Variants in CFAP97 observed in about 807,000 individuals in gnomAD.
CFAP97 encodes cilia- and flagella-associated protein 97.
A neutral mutation model predicts 43.1 loss-of-function variants in CFAP97; 36 were observed. The ratio of observed to expected loss-of-function variants is 0.84; its 90% confidence interval spans 0.64 to 1.10. The LOEUF is 1.10. Ranked by LOEUF, CFAP97 falls within the 50% of genes least tolerant of loss-of-function variation. The probability of loss-of-function intolerance (pLI) is 0.00; values close to 1 mark genes in which losing one functional copy is unlikely to be tolerated. For synonymous variants in CFAP97, 228 were observed against 225.7 expected, an observed-to-expected ratio of 1.01 and a Z score of -0.09; for missense variants, 657 against 620.3, an observed-to-expected ratio of 1.06 and a Z score of -0.63.
chr4:185,182,876 G>T (rs1468160184), intron 2 of CFAP97, among the ~76,000 whole-genome samples: 2 of 151,806 alleles, frequency 1.3e-5, no homozygotes, highest in East Asian at 3.9e-4. Context: ...GACACGGGCG[G>T]ATCATCTGAG....
At chr4:185,176,109 C>CTTTCT (rs1553970913) in intron 2 of CFAP97, 58 bp from the exon 3 acceptor site, 1 of 833,948 alleles carries the variant, frequency 1.2e-6, no homozygotes, top group Non-Finnish European at 1.6e-6. Context: ...GTGGTACATG[C>CTTTCT]TTTTTTTTTT....
chr4:185,191,304 AGT>A, intron 1 of CFAP97, 92 bp from the exon 2 acceptor site: 1 of 914,260 alleles, frequency 1.1e-6, no homozygotes, highest in South Asian at 2.4e-5. Flanking sequence ...CAAACTGACA[AGT>A]GTGTTTAATA....
chr4:185,181,419 A>T (rs1374172123), intron 2 of CFAP97, among the ~76,000 whole-genome samples: 1 of 134,914 alleles, frequency 7.4e-6, no homozygotes, highest in Non-Finnish European at 1.5e-5. Context: ...TCCGCTTCCC[A>T]GGTTCAAGCC....
chr4:185,199,938 T>G (rs1736749779), intron 1 of CFAP97, among the ~76,000 whole-genome samples: 1 of 152,240 alleles, frequency 6.6e-6, no homozygotes. Context: ...CAACATCCAC[T>G]CTGCAGCCCA....
At chr4:185,180,632 T>C (rs1308704333) in intron 2 of CFAP97, among the ~76,000 whole-genome samples, 2 of 152,168 alleles carry the variant, frequency 1.3e-5, no homozygotes, top group Non-Finnish European at 2.9e-5. Flanking sequence ...TTTTTTAATA[T>C]GCTCTGATAG....
chr4:185,195,109 A>G (rs114107958), intron 1 of CFAP97, among the ~76,000 whole-genome samples: 98 of 152,332 alleles, frequency 6.4e-4, no homozygotes, highest in African/African-American at 2.3e-3. Context: ...AGGAAAATGA[A>G]TAAATAAAAT....
rs552444758 is a variant in CFAP97 at position 185,190,253 on chromosome 4, T to C, written c.944A>G (p.His315Arg). 6.2e-7 allele frequency: 1 copy of C among 1,613,548 alleles called. No homozygotes were observed. The highest frequency in any genetic ancestry group is 1.1e-5 in the South Asian group (1 of 91,012). The change falls in exon 2 of 5, where the codon CAT becomes CGT. Residue 315 changes from histidine (H) to arginine (R), a missense_variant. Coordinates refer to ENST00000458385, the MANE Select transcript of CFAP97 (RefSeq NM_020827.3). ...CGACTTTGAGGAGACATCAGGCTCA[T>C]GTTTTTCTTTCCCTTTTTTGGCTGC... ...LKAAKKGKEK[H>R]EPDVSSKSSS...
chr4:185,163,079 TA>T, intron 4 of CFAP97, 154 bp from the exon 5 acceptor site: 1 of 295,986 alleles, frequency 3.4e-6, no homozygotes. Context: ...TTAAAAAATA[TA>T]ATAACAAACA....
upstream of CFAP97, among the ~76,000 whole-genome samples, chr4:185,204,791 G>T (rs1737114507): frequency 6.6e-6 from 1 of 152,216 alleles, no homozygotes; most frequent in South Asian, 2.1e-4. Flanking sequence ...TGATGTCAGA[G>T]GCAATGAGCC....
chr4:185,206,926 G>A (rs1737212126), upstream of CFAP97, among the ~76,000 whole-genome samples: 1 of 152,172 alleles, frequency 6.6e-6, no homozygotes, highest in Non-Finnish European at 1.5e-5. Context: ...GAGAACCCAG[G>A]AGGCTGCTAG....
At position 185,160,607 on chromosome 4, in the gene CFAP97, C is replaced by G. The variant is rs893156225; in HGVS notation, c.*2191G>C. On this transcript the variant is annotated 3_prime_UTR_variant, in exon 5 of 5. Transcript: ENST00000458385. ...AAGTTCCGCTTAAAAGACTCTTGCC[C>G]TTTCCAACTTTTACTTTAAGTTGGA... 5 of 151,904 alleles carry G rather than the reference C, an allele frequency of 3.3e-5. No homozygotes were observed. The highest frequency in any genetic ancestry group is 1.2e-4 in the African/African-American group (5 of 41,398). 9.4% of individuals were successfully genotyped at this position (151,904 alleles called of 1,614,324 possible).
At chr4:185,194,979 T>C (rs1736473168) in intron 1 of CFAP97, among the ~76,000 whole-genome samples, 2 of 152,190 alleles carry the variant, frequency 1.3e-5, no homozygotes, top group African/African-American at 2.4e-5. Flanking sequence ...ACTCAAAATA[T>C]GATTCTGCTA....
intron 2 of CFAP97, 99 bp downstream of exon 2, chr4:185,190,040 CAATA>C: frequency 1.2e-6 from 1 of 839,718 alleles, no homozygotes; most frequent in Non-Finnish European, 1.7e-6. Context: ...TCATTCCCAA[CAATA>C]AAAAATATCT....
chr4:185,189,174 C>A (rs1220797206), intron 2 of CFAP97, among the ~76,000 whole-genome samples: 1 of 152,134 alleles, frequency 6.6e-6, no homozygotes, highest in Non-Finnish European at 1.5e-5. Flanking sequence ...GAGGTCAAGG[C>A]TGCAGTGAGC....
chr4:185,169,963 A>T, intron 3 of CFAP97: 1 of 1,034,886 alleles, frequency 9.7e-7, no homozygotes, highest in African/African-American at 1.7e-5. Context: ...CAACAGATTA[A>T]TATTCATAGT....
intron 1 of CFAP97, among the ~76,000 whole-genome samples, chr4:185,196,063 A>C (rs910408852): frequency 1.3e-5 from 2 of 152,266 alleles, no homozygotes; most frequent in African/African-American, 4.8e-5. Flanking sequence ...TAAACGGTTT[A>C]ATAGCATAGC....
chr4:185,180,642 G>A (rs1415279455), intron 2 of CFAP97, among the ~76,000 whole-genome samples: 4 of 151,876 alleles, frequency 2.6e-5, no homozygotes, highest in Non-Finnish European at 5.9e-5. Context: ...TGCTCTGATA[G>A]TATCTTCTGG....
In CFAP97 at chr4:185,160,984, C is replaced by T. The variant is rs1424767174; in HGVS notation, c.*1814G>A. On this transcript the variant is annotated 3_prime_UTR_variant, in exon 5 of 5. Transcript: ENST00000458385. The stretch of plus-strand genomic sequence containing the variant: ...AACTTAAAAATCAATTTTAAAAAAA[C>T]TGATTAATTCACTATTGGACAGATG... The T allele has an allele frequency of 2.7e-5, 4 of 148,944 alleles. No individual in the cohort carries two copies. Among genetic ancestry groups the T allele is most frequent in the Non-Finnish European group, 4.5e-5 (3 of 67,378 alleles). The allele number at this position is 148,944 out of a possible 1,614,324, so 9.2% of individuals were successfully genotyped here. A position where few individuals can be genotyped will look rare whatever the true frequency, so the allele number is the denominator to read the frequency against.
intron 3 of CFAP97, among the ~76,000 whole-genome samples, chr4:185,167,840 C>CA (rs36073551): frequency 4.7e-5 from 7 of 150,250 alleles, no homozygotes; most frequent in East Asian, 2.0e-4. Context: ...ACTAAAAATA[C>CA]AAAAAAAAAT....
Sources: allele counts gnomAD v4.1 joint callset (sites outside exome capture counted in the v4.1 genomes callset), GRCh38; gene constraint gnomAD v4.1.1; transcripts MANE v1.5; gene names NCBI Gene and HGNC (gene_info 2026-07-23, HGNC 2026-07-21).